KAT2B: variants seen among roughly 807,000 people sequenced by gnomAD.
KAT2B encodes the protein lysine acetyltransferase 2B.
Under a neutral mutation model 105.9 loss-of-function variants are expected in KAT2B, and 36 were observed. The observed-to-expected ratio is 0.34, with a 90% CI of 0.26 to 0.45. KAT2B has a LOEUF of 0.45. KAT2B is among the 20% of genes least tolerant of loss of function. KAT2B has a pLI of 1.00. For synonymous variants in KAT2B, 397 were observed against 377.9 expected (o/e 1.05, Z -0.59); for missense variants, 820 against 1,021.6 (o/e 0.80, Z 2.69).
At chr3:20,136,892 A>G in intron 11 of KAT2B, 50 bp from the exon 12 acceptor site, 1 of 951,604 alleles carries the variant, frequency 1.1e-6, no homozygotes, top group South Asian at 1.5e-5. Context: ...ATTTGTAAAA[A>G]TTTTTCTCCC....
chr3:20,097,008 G>A (rs963034185), intron 3 of KAT2B, among the ~76,000 whole-genome samples: 3 of 151,996 alleles, frequency 2.0e-5, no homozygotes, highest in African/African-American at 7.3e-5. Context: ...ATGAACAGCT[G>A]GATTCCCCAC....
intron 5 of KAT2B, among the ~76,000 whole-genome samples, chr3:20,108,353 G>A (rs543342404): frequency 6.6e-6 from 1 of 152,240 alleles, no homozygotes; most frequent in African/African-American, 2.4e-5. Context: ...GGATAGCAGA[G>A]ACATAGAATC....
chr3:20,119,631 C>T lies in KAT2B; in HGVS notation c.1184C>T (p.Ser395Leu). 1.9e-6 allele frequency: 3 copies of T among 1,614,074 alleles called. No homozygotes were observed. The highest frequency in any genetic ancestry group is 2.5e-6 in the Non-Finnish European group (3 of 1,179,956). ...CCACCTCCTGTGGCTGGGACAATTT[C>T]ATACAATTCAACCTCATCTTCCCTT... Reference protein sequence around the residue: ...INPPPVAGTISYNSTSSSLEQ... With the variant: ...INPPPVAGTILYNSTSSSLEQ... The change falls in exon 8 of 18, where the codon TCA (serine) becomes TTA (leucine). Residue 395 changes from serine to leucine, a missense_variant. This residue lies in a region of KAT2B where 225 missense variants were observed against 268.1 expected (regional missense o/e 0.84). Coordinates refer to ENST00000263754, the MANE Select transcript of KAT2B (RefSeq NM_003884.5).
At position 20,040,721 on chromosome 3, in the gene KAT2B, C is replaced by T; in HGVS notation, c.244C>T (p.Leu82=). ...SARIAVKKAQ[L]RSAPRAKKLE... ...CCGAATCGCCGTGAAGAAAGCGCAA[C>T]TACGCTCCGCTCCGCGGGCCAAGAA... Residue 82 remains leucine, a synonymous_variant, in exon 1 of 18, where the codon CTA becomes TTA. Coordinates refer to ENST00000263754, the MANE Select transcript of KAT2B (RefSeq NM_003884.5). 6.3e-7 allele frequency: 1 copy of T among 1,596,018 alleles called. No individual in the cohort carries two copies. The highest frequency in any genetic ancestry group is 8.5e-7 in the Non-Finnish European group (1 of 1,174,118).
intron 6 of KAT2B, among the ~76,000 whole-genome samples, chr3:20,113,936 G>A (rs1257852383): frequency 5.4e-5 from 3 of 55,938 alleles, no homozygotes; most frequent in Non-Finnish European, 9.0e-5. Context: ...TTTGGTTCAG[G>A]GAAAAAATGA....
intron 1 of KAT2B, among the ~76,000 whole-genome samples, chr3:20,062,293 TAATATATAAAATATAA>T (rs1698145317): frequency 5.3e-5 from 3 of 56,988 alleles, no homozygotes; most frequent in Admixed American, 2.4e-4. Flanking sequence ...ATATAATATA[TAATATATAAAATATAA>T]TATATATAAA....
At chr3:20,141,704 T>C (rs986455062) in intron 13 of KAT2B, among the ~76,000 whole-genome samples, 2 of 152,130 alleles carry the variant, frequency 1.3e-5, no homozygotes, top group Non-Finnish European at 2.9e-5. Context: ...GTCTGGTGCA[T>C]AGTAGTTACT....
intron 3 of KAT2B, among the ~76,000 whole-genome samples, chr3:20,096,449 C>T (rs1046179859): frequency 6.6e-6 from 1 of 151,878 alleles, no homozygotes; most frequent in Non-Finnish European, 1.5e-5. Context: ...AAGGAGGCTG[C>T]CAGAAGGAAT....
intron 2 of KAT2B, among the ~76,000 whole-genome samples, chr3:20,086,688 T>C (rs1203137875): frequency 1.3e-5 from 2 of 152,234 alleles, no homozygotes; most frequent in Non-Finnish European, 2.9e-5. Context: ...GCCTTTCAAT[T>C]ACTTTTCTGT....
chr3:20,143,062 G>A (rs1182411405), intron 13 of KAT2B, among the ~76,000 whole-genome samples: 2 of 152,128 alleles, frequency 1.3e-5, no homozygotes, highest in African/African-American at 4.8e-5. Flanking sequence ...TTTATAAGGA[G>A]ACATGCAAAG....
chr3:20,132,578 T>G (rs1350851871), intron 11 of KAT2B, among the ~76,000 whole-genome samples: 1 of 152,198 alleles, frequency 6.6e-6, no homozygotes, highest in Non-Finnish European at 1.5e-5. Context: ...TTGCTTATAA[T>G]AGCTTTATGT....
At chr3:20,137,950 G>A (rs6550359) in intron 12 of KAT2B, among the ~76,000 whole-genome samples, 39,923 of 152,060 alleles carry the variant, frequency 0.26, 8,066 homozygotes, top group East Asian at 0.62. Context: ...AAACAGCCTG[G>A]GCAACATAGT....
intron 7 of KAT2B, among the ~76,000 whole-genome samples, chr3:20,115,892 A>G (rs1197177882): frequency 6.6e-6 from 1 of 152,184 alleles, no homozygotes; most frequent in African/African-American, 2.4e-5. Context: ...TGAGACTGAT[A>G]ACTTTAATTC....
intron 3 of KAT2B, among the ~76,000 whole-genome samples, chr3:20,096,111 G>A (rs1698805479): frequency 6.6e-6 from 1 of 152,126 alleles, no homozygotes; most frequent in Admixed American, 6.5e-5. Flanking sequence ...CGAGCAGAGG[G>A]TTGGGTGGGA....
chr3:20,124,505 A>G (rs780739619), intron 9 of KAT2B, among the ~76,000 whole-genome samples: 17 of 152,150 alleles, frequency 1.1e-4, no homozygotes, highest in African/African-American at 3.4e-4. Flanking sequence ...TCATTCATCA[A>G]CAAGGGGATG....
At chr3:20,048,446 A>G (rs1167107565) in intron 1 of KAT2B, among the ~76,000 whole-genome samples, 1 of 152,170 alleles carries the variant, frequency 6.6e-6, no homozygotes, top group Admixed American at 6.5e-5. Flanking sequence ...TTTGTTTTTA[A>G]AAATCATCTG....
chr3:20,064,777 G>T (rs1018948286), intron 1 of KAT2B, among the ~76,000 whole-genome samples: 3 of 152,184 alleles, frequency 2.0e-5, no homozygotes, highest in Admixed American at 6.5e-5. Flanking sequence ...ATAAATGTTG[G>T]ATCAGTTATA....
intron 1 of KAT2B, among the ~76,000 whole-genome samples, chr3:20,071,240 A>G (rs772323442): frequency 8.5e-5 from 13 of 152,216 alleles, no homozygotes; most frequent in Non-Finnish European, 1.8e-4. Flanking sequence ...CTGGATTTCT[A>G]GTGCTCAATA....
At chr3:20,107,097 A>G (rs1159682621) in intron 5 of KAT2B, among the ~76,000 whole-genome samples, 3 of 120,642 alleles carry the variant, frequency 2.5e-5, no homozygotes, top group African/African-American at 6.4e-5. Context: ...CAGTGGTGCA[A>G]TCTTGGCTCA....
Sources: gnomAD v4.1 joint callset for allele counts (sites outside exome capture counted in the v4.1 genomes callset) on GRCh38, gnomAD v4.1.1 for gene constraint, gnomAD v4.1.1 regional missense constraint, MANE v1.5 for transcripts, NCBI Gene and HGNC (gene_info 2026-07-23, HGNC 2026-07-21) for gene names.